Variants in WSCD2 observed in about 807,000 individuals in gnomAD.
The protein encoded by WSCD2 is sialate:O-sulfotransferase 2.
A neutral mutation model predicts 55.7 loss-of-function variants in WSCD2; 28 were observed. The observed-to-expected ratio is 0.50, with a 90% CI of 0.37 to 0.69. The LOEUF is 0.69. Among genes scored for constraint, WSCD2 ranks in the 30% least tolerant of loss-of-function variants. WSCD2 has a pLI of 0.00. For synonymous variants in WSCD2, 301 were observed against 301.9 expected (o/e 1.00, Z 0.03); for missense variants, 616 against 762.1 (o/e 0.81, Z 2.26).
chr12:108,230,763 G>A lies in WSCD2; in HGVS notation c.980-1968G>A, dbSNP rs73399901. Among the ~76,000 whole-genome samples the A allele has an allele frequency of 8.0e-3, 1,226 of 152,332 alleles. 19 individuals are homozygous for A. Among genetic ancestry groups the A allele is most frequent in the African/African-American group, 0.028 (1,168 of 41,580 alleles). ...AGGGCAGCGCTCTGCCCTCATGCCCGAGTAATCACGTGAGGTGAGCTTGTC... is the reference window on the plus strand; with the variant it reads ...AGGGCAGCGCTCTGCCCTCATGCCCAAGTAATCACGTGAGGTGAGCTTGTC... On this transcript the variant is annotated intron_variant, in intron 6 of 8. Coordinates refer to ENST00000547525, the MANE Select transcript of WSCD2 (RefSeq NM_014653.4).
chr12:108,166,824 T>C (rs1376923951), intron 1 of WSCD2, among the ~76,000 whole-genome samples: 1 of 148,924 alleles, frequency 6.7e-6, no homozygotes, highest in African/African-American at 2.5e-5. Context: ...TTTCTTTTTT[T>C]TTTTTTTGAC....
At chr12:108,205,434 C>T (rs941532890) in intron 2 of WSCD2, among the ~76,000 whole-genome samples, 12 of 152,132 alleles carry the variant, frequency 7.9e-5, no homozygotes, top group African/African-American at 2.9e-4. Context: ...TGGGAAAAGA[C>T]ATTATAAACT....
At chr12:108,132,739 A>G (rs1455617752) in intron 1 of WSCD2, among the ~76,000 whole-genome samples, 9 of 152,186 alleles carry the variant, frequency 5.9e-5, no homozygotes, top group Non-Finnish European at 1.0e-4. Context: ...TGCCTGGTGC[A>G]TGTTTTCATA....
rs1890261124 is a variant in WSCD2, at chr12:108,248,737, G to T, written c.*394G>T. ...GGCTCTTGATGCAAGAGCCCAGGGG[G>T]CTATTGTAAAAACTTGGCCCCAGAT... is the stretch of plus-strand genomic sequence containing the variant. On this transcript the variant is annotated 3_prime_UTR_variant, in exon 9 of 9. Transcript: ENST00000547525. This position sits in a 1 kb window ranked among gnomAD's most constrained non-coding sequence, Gnocchi z 4.3. 1.0e-6 allele frequency: 1 copy of T among 1,002,964 alleles called. No individual in the cohort carries two copies. Among genetic ancestry groups the T allele is most frequent in the Non-Finnish European group, 1.2e-6 (1 of 839,560 alleles). 62.1% of individuals were successfully genotyped at this position (1,002,964 alleles called of 1,614,324 possible).
At chr12:108,204,316 T>C (rs1885062219) in intron 2 of WSCD2, among the ~76,000 whole-genome samples, 1 of 152,014 alleles carries the variant, frequency 6.6e-6, no homozygotes, top group Admixed American at 6.6e-5. Context: ...CTTTACCCCC[T>C]CTCTTCCCTT....
intron 3 of WSCD2, among the ~76,000 whole-genome samples, chr12:108,208,149 A>C (rs1375658602): frequency 1.3e-5 from 2 of 152,202 alleles, no homozygotes; most frequent in Non-Finnish European, 2.9e-5. Flanking sequence ...GGAGATGAAG[A>C]GATGAGCCAT....
intron 1 of WSCD2, among the ~76,000 whole-genome samples, chr12:108,136,070 T>TATGTCACC (rs1293277028): frequency 3.3e-5 from 5 of 152,198 alleles, no homozygotes; most frequent in African/African-American, 1.2e-4. Flanking sequence ...GGCTGTATCA[T>TATGTCACC]TGTGAGTCAG....
At chr12:108,196,395 A>AG (rs1883932406) in intron 2 of WSCD2, 181 bp downstream of exon 2, 1 of 1,056,842 alleles carries the variant, frequency 9.5e-7, no homozygotes, top group Non-Finnish European at 1.3e-6. Context: ...AAGCTCAGAG[A>AG]GATGAAGCGG....
chr12:108,150,043 T>G (rs1369807499), intron 1 of WSCD2: 1 of 152,190 alleles, frequency 6.6e-6, no homozygotes, highest in African/African-American at 2.4e-5. Flanking sequence ...ATAATAATTA[T>G]AATCATGATG....
chr12:108,174,416 T>C (rs1880570887), intron 1 of WSCD2, among the ~76,000 whole-genome samples: 2 of 152,116 alleles, frequency 1.3e-5, no homozygotes, highest in Non-Finnish European at 1.5e-5. Context: ...GAGACAATCA[T>C]GGATTTTGAT....
Position 108,129,945 on chromosome 12 carries a change from G to A in WSCD2, c.-552+19G>A, listed in dbSNP as rs1875311324. On this transcript the variant is annotated intron_variant, in intron 1 of 8. Coordinates refer to ENST00000547525, the MANE Select transcript of WSCD2 (RefSeq NM_014653.4). ...CCTTCAGGTAAGGACTCAGGTGCCT[G>A]GACCTGGGAAGAGGGCTCCAGGAGG... is the stretch of plus-strand genomic sequence containing the variant. The A allele has an allele frequency of 6.6e-6, 1 of 152,286 alleles. No individual in the cohort carries two copies. Among genetic ancestry groups the A allele is most frequent in the Non-Finnish European group, 1.5e-5 (1 of 68,108 alleles). The allele number at this position is 152,286 out of a possible 1,614,324, so 9.4% of individuals were successfully genotyped here.
At chr12:108,150,283 C>T (rs1032197190) in intron 1 of WSCD2, among the ~76,000 whole-genome samples, 4 of 152,164 alleles carry the variant, frequency 2.6e-5, no homozygotes, top group Non-Finnish European at 5.9e-5. Context: ...TCTTTCCCCT[C>T]TGGGCAGAGA....
intron 1 of WSCD2, among the ~76,000 whole-genome samples, chr12:108,158,484 A>T (rs1200378843): frequency 6.6e-6 from 1 of 151,722 alleles, no homozygotes; most frequent in Admixed American, 6.6e-5. Flanking sequence ...GGGGGTCTTT[A>T]CACACAGGGC....
At chr12:108,166,996 G>A (rs1428062124) in intron 1 of WSCD2, among the ~76,000 whole-genome samples, 2 of 151,608 alleles carry the variant, frequency 1.3e-5, no homozygotes, top group East Asian at 3.9e-4. Flanking sequence ...ATTTTTAGTA[G>A]AGGCAGGGTT....
intron 4 of WSCD2, among the ~76,000 whole-genome samples, chr12:108,211,915 AG>A (rs1267906033): frequency 4.0e-5 from 6 of 149,844 alleles, no homozygotes; most frequent in African/African-American, 1.5e-4. Flanking sequence ...CACCCACCTC[AG>A]GCTCCCAAAG....
chr12:108,244,551 T>C, intron 8 of WSCD2: 1 of 702,944 alleles, frequency 1.4e-6, no homozygotes, highest in African/African-American at 1.7e-5. Context: ...GCAAATCTTA[T>C]TTCGCTCGAT....
chr12:108,197,850 C>T (rs1413897232), intron 2 of WSCD2, among the ~76,000 whole-genome samples: 3 of 151,296 alleles, frequency 2.0e-5, no homozygotes, highest in African/African-American at 4.9e-5. Flanking sequence ...CCTCACCATG[C>T]TCTGCCCCAC....
intron 1 of WSCD2, among the ~76,000 whole-genome samples, chr12:108,175,173 G>A (rs1037592129): frequency 6.6e-6 from 1 of 152,138 alleles, no homozygotes; most frequent in Non-Finnish European, 1.5e-5. Context: ...ATGACTGGTG[G>A]GTGTTACCAG....
chr12:108,239,356 C>G (rs1889522324), intron 7 of WSCD2, among the ~76,000 whole-genome samples: 1 of 152,190 alleles, frequency 6.6e-6, no homozygotes, highest in Admixed American at 6.5e-5. Context: ...TTTCTGGATG[C>G]CACTTGACTA....
Sources: gnomAD v4.1 joint callset for allele counts (sites outside exome capture counted in the v4.1 genomes callset) on GRCh38, gnomAD v4.1.1 for gene constraint, Gnocchi (gnomAD v3.1) non-coding constraint, MANE v1.5 for transcripts, NCBI Gene and HGNC (gene_info 2026-07-23, HGNC 2026-07-21) for gene names.